The following SPON1 variants were observed in gnomAD, a reference collection of about 807,000 sequenced individuals.
SPON1 encodes the protein spondin-1.
SPON1 carries 52 observed loss-of-function variants against 111.7 expected under a neutral mutation model. That is an observed-to-expected ratio of 0.47 (90% CI 0.37 to 0.59). The LOEUF (loss-of-function observed/expected upper bound fraction) is 0.59, where lower values mean the gene tolerates loss of function less well. SPON1 is among the 20% of genes least tolerant of loss of function. The pLI, the probability that SPON1 is intolerant of heterozygous loss-of-function variation, is 0.00. For missense variants in SPON1, 957 were observed against 1,068.5 expected (o/e 0.90, Z 1.46); for synonymous variants, 410 against 395.8 (o/e 1.04, Z -0.43).
At chr11:14,255,914 GCCTC>G in intron 9 of SPON1, 127 bp downstream of exon 9, 2 of 1,008,994 alleles carry the variant, frequency 2.0e-6, no homozygotes, top group Non-Finnish European at 2.8e-6. Context: ...GAATTCCTGG[GCCTC>G]CCCAGGTTTC....
chr11:14,079,193 C>T (rs1358841999), intron 4 of SPON1, among the ~76,000 whole-genome samples: 1 of 152,076 alleles, frequency 6.6e-6, no homozygotes, highest in Non-Finnish European at 1.5e-5. Flanking sequence ...TCTCTCTTTC[C>T]CCACTTATCA....
At chr11:14,185,637 T>C (rs1447988485) in intron 6 of SPON1, among the ~76,000 whole-genome samples, 2 of 152,180 alleles carry the variant, frequency 1.3e-5, no homozygotes, top group Non-Finnish European at 2.9e-5. Context: ...CAGAGTAAAG[T>C]TGGGTTAATG....
chr11:14,065,403 T>A (rs1434036980), intron 3 of SPON1, among the ~76,000 whole-genome samples: 6 of 152,204 alleles, frequency 3.9e-5, no homozygotes, highest in Admixed American at 3.9e-4. Context: ...TTCCTCTTCC[T>A]TAGAGGCTGG....
intron 5 of SPON1, among the ~76,000 whole-genome samples, chr11:14,104,023 T>A (rs892683170): frequency 6.6e-6 from 1 of 152,120 alleles, no homozygotes; most frequent in Non-Finnish European, 1.5e-5. Flanking sequence ...TAATTAACAG[T>A]TAGCTTGCTT....
chr11:14,050,697 T>C (rs1554918439), intron 3 of SPON1, among the ~76,000 whole-genome samples: 1 of 152,170 alleles, frequency 6.6e-6, no homozygotes, highest in African/African-American at 2.4e-5. Flanking sequence ...CAAGTGTTAT[T>C]GACTTGGCCA....
intron 5 of SPON1, among the ~76,000 whole-genome samples, chr11:14,089,799 C>T (rs2133837275): frequency 6.6e-6 from 1 of 152,322 alleles, no homozygotes; most frequent in Non-Finnish European, 1.5e-5. Context: ...GGAGTTTTAT[C>T]TCTAAGCCCC....
chr11:14,164,787 G>C (rs545947822), intron 6 of SPON1, among the ~76,000 whole-genome samples: 7 of 152,106 alleles, frequency 4.6e-5, no homozygotes, highest in Non-Finnish European at 1.0e-4. Flanking sequence ...CTTGGTGGGT[G>C]GGGGGAAGCT....
At chr11:13,979,512 G>C (rs184116461) in intron 1 of SPON1, among the ~76,000 whole-genome samples, 2 of 152,166 alleles carry the variant, frequency 1.3e-5, no homozygotes, top group Non-Finnish European at 2.9e-5. Flanking sequence ...AAGAGAGTAG[G>C]GGAAGCAGGA....
At chr11:14,079,440 G>A (rs1403799739) in intron 4 of SPON1, among the ~76,000 whole-genome samples, 1 of 151,964 alleles carries the variant, frequency 6.6e-6, no homozygotes, top group East Asian at 1.9e-4. Flanking sequence ...CTGCTTCAAA[G>A]TCATTCCTTC....
chr11:14,264,719 G>A (rs531248131), intron 15 of SPON1, among the ~76,000 whole-genome samples: 1 of 152,286 alleles, frequency 6.6e-6, no homozygotes, highest in South Asian at 2.1e-4. Context: ...AATATCTCAT[G>A]TGTAACCATA....
intron 5 of SPON1, among the ~76,000 whole-genome samples, chr11:14,092,422 G>A (rs139258823): frequency 2.0e-5 from 3 of 152,302 alleles, no homozygotes; most frequent in East Asian, 3.9e-4. Flanking sequence ...GCAACCTAAG[G>A]TGTCTGACTT....
intron 1 of SPON1, among the ~76,000 whole-genome samples, chr11:13,964,224 C>G (rs988380976): frequency 1.3e-5 from 2 of 152,228 alleles, no homozygotes; most frequent in Non-Finnish European, 2.9e-5. Context: ...GCCTGTCTGG[C>G]CTCACCTTAG....
chr11:14,154,172 C>A (rs1284389788), intron 6 of SPON1, among the ~76,000 whole-genome samples: 3 of 152,216 alleles, frequency 2.0e-5, no homozygotes, highest in Non-Finnish European at 2.9e-5. Context: ...TGGTGACCCT[C>A]TTCTCACAGC....
chr11:14,197,512 T>TAAAC (rs1848415495), intron 6 of SPON1, among the ~76,000 whole-genome samples: 1 of 150,906 alleles, frequency 6.6e-6, no homozygotes, highest in Non-Finnish European at 1.5e-5. Flanking sequence ...AATAAATAAA[T>TAAAC]AAATAAATAA....
At position 14,254,037 on chromosome 11, in the gene SPON1, A is replaced by G. The variant is rs558822490; in HGVS notation, c.891-491A>G. On this transcript the variant is annotated intron_variant, in intron 7 of 15. Transcript: ENST00000576479. ...CCCAGCAACTGGGGGTGTCGGCCAA[A>G]GGTCTCTGACTCTACAGCTGGTCCC... Among the ~76,000 whole-genome samples, 4 of 152,344 alleles carry G rather than the reference A, an allele frequency of 2.6e-5. No individual in the cohort carries two copies. The South Asian group carries it at 8.3e-4, about 32-fold the overall frequency.
At chr11:14,057,831 C>CAAAAAAAAAAA (rs782306609) in intron 3 of SPON1, among the ~76,000 whole-genome samples, 2 of 100,588 alleles carry the variant, frequency 2.0e-5, no homozygotes, top group Non-Finnish European at 4.1e-5. Context: ...CTTGTCTCTA[C>CAAAAAAAAAAA]AAAAAAAAAA....
At chr11:14,094,278 G>A (rs1849082265) in intron 5 of SPON1, among the ~76,000 whole-genome samples, 1 of 150,294 alleles carries the variant, frequency 6.7e-6, no homozygotes, top group South Asian at 2.1e-4. Context: ...TCCTTTCTTT[G>A]GAATTATTTC....
At chr11:13,983,042 T>A in intron 2 of SPON1, 89 bp downstream of exon 2, 1 of 855,038 alleles carries the variant, frequency 1.2e-6, no homozygotes, top group South Asian at 1.6e-5. Context: ...TGGCTTCCCA[T>A]GCAGTCCCTT....
At chr11:14,183,714 G>A (rs1848258554) in intron 6 of SPON1, among the ~76,000 whole-genome samples, 1 of 152,064 alleles carries the variant, frequency 6.6e-6, no homozygotes. Context: ...ACTCAGAGAG[G>A]GTAAGTAAAG....
Sources: gnomAD v4.1 joint callset for allele counts (sites outside exome capture counted in the v4.1 genomes callset) on GRCh38, gnomAD v4.1.1 for gene constraint, MANE v1.5 for transcripts, NCBI Gene and HGNC (gene_info 2026-07-23, HGNC 2026-07-21) for gene names.